NCAPG: variants seen among roughly 807,000 people sequenced by gnomAD.
The protein encoded by NCAPG is condensin complex subunit 3.
A neutral mutation model predicts 113.1 loss-of-function variants in NCAPG; 69 were observed. The observed-to-expected ratio is 0.61, with a 90% CI of 0.50 to 0.75. The LOEUF (loss-of-function observed/expected upper bound fraction) is 0.75, where lower values mean the gene tolerates loss of function less well. Ranked by LOEUF, NCAPG falls within the 30% of genes least tolerant of loss-of-function variation. The probability of loss-of-function intolerance (pLI) is 0.00; values close to 1 mark genes in which losing one functional copy is unlikely to be tolerated. For synonymous variants in NCAPG, 370 were observed against 415.8 expected, an observed-to-expected ratio of 0.89 and a Z score of 1.34; for missense variants, 1,058 against 1,177.0, an observed-to-expected ratio of 0.90 and a Z score of 1.48.
In NCAPG at chr4:17,844,025, G is replaced by A. The variant is rs976253616; in HGVS notation, c.*600G>A. ...GGAAATCTCTCTTCCTAAAGTATTT[G>A]TATATGGGAGTCCTTGTTTGTGAAT... On this transcript the variant is annotated 3_prime_UTR_variant, in exon 21 of 21. Coordinates refer to ENST00000251496, the MANE Select transcript of NCAPG (RefSeq NM_022346.5). 6.6e-6 allele frequency: 1 copy of A among 151,922 alleles called. No individual in the cohort carries two copies. The highest frequency in any genetic ancestry group is 2.4e-5 in the African/African-American group (1 of 41,424). 9.4% of individuals were successfully genotyped at this position (151,922 alleles called of 1,614,324 possible).
chr4:17,827,567 A>C (rs1302833639), intron 11 of NCAPG, among the ~76,000 whole-genome samples: 1 of 152,158 alleles, frequency 6.6e-6, no homozygotes, highest in Non-Finnish European at 1.5e-5. Context: ...AACTGGGTAG[A>C]TGGTGATGAC....
chr4:17,825,556 G>C lies in NCAPG; in HGVS notation c.1648G>C (p.Glu550Gln). The C allele has an allele frequency of 6.3e-7, 1 of 1,588,174 alleles. No homozygotes were observed. The change falls in exon 11 of 21, where the codon GAG becomes CAG. Residue 550 changes from glutamate to glutamine, a missense_variant. Coordinates refer to ENST00000251496, the MANE Select transcript of NCAPG (RefSeq NM_022346.5). ...ACTTGAAATTAAAGAAGTCCACATA[G>C]AGAAGGTACAGGTAACTTTTTTCAT... ...EQLEIKEVHI[E>Q]KNDAETLQKC...
At chr4:17,820,215 T>C (rs551164647) in intron 7 of NCAPG, among the ~76,000 whole-genome samples, 33 of 152,372 alleles carry the variant, frequency 2.2e-4, no homozygotes, top group African/African-American at 7.2e-4. Context: ...TCCTCCCTTC[T>C]GAAAGGTCAG....
intron 14 of NCAPG, among the ~76,000 whole-genome samples, chr4:17,835,466 A>G (rs1722058242): frequency 6.6e-6 from 1 of 151,464 alleles, no homozygotes; most frequent in Admixed American, 6.6e-5. Flanking sequence ...TGCTGGGATT[A>G]CAAGTGTGAG....
intron 11 of NCAPG, among the ~76,000 whole-genome samples, chr4:17,827,394 AGTTGGGAGACTTACAGTAGG>A (rs922800286): frequency 1.3e-5 from 2 of 152,236 alleles, no homozygotes; most frequent in Non-Finnish European, 1.5e-5. Flanking sequence ...CAGGCATAAT[AGTTGGGAGACTTACAGTAGG>A]GTTGGGAGAC....
chr4:17,811,045 G>C lies in NCAPG; in HGVS notation c.-33G>C, dbSNP rs1197490573. On this transcript the variant is annotated 5_prime_UTR_variant, in exon 1 of 21. Transcript: ENST00000251496. The surrounding 1 kb of genome is among the most constrained non-coding windows in gnomAD (Gnocchi z 5.3). Reference sequence around the variant, plus strand: ...GGGCTGGCAGGCTGTAGCCGAGCGCGGGCAGGACTCGTCCCGGCAGGGTTC... The same window carrying C: ...GGGCTGGCAGGCTGTAGCCGAGCGCCGGCAGGACTCGTCCCGGCAGGGTTC... 10 of 1,365,086 alleles carry C rather than the reference G, an allele frequency of 7.3e-6. No homozygotes were observed. The highest frequency in any genetic ancestry group is 9.8e-6 in the Non-Finnish European group (10 of 1,022,148). 84.6% of individuals were successfully genotyped at this position (1,365,086 alleles called of 1,614,324 possible).
In NCAPG at chr4:17,812,904, G is replaced by GT; in HGVS notation, c.316-10dup. ...TGTGACTATGAATAAATTTTGATTT[G>GT]TTTCTGTTTTAGTCTCATGAAGCAA... On this transcript the variant is annotated splice_polypyrimidine_tract_variant and intron_variant, in intron 2 of 20. Coordinates refer to ENST00000251496, the MANE Select transcript of NCAPG (RefSeq NM_022346.5). 6.2e-7 allele frequency: 1 copy of GT among 1,606,404 alleles called. No homozygotes were observed. The highest frequency in any genetic ancestry group is 8.5e-7 in the Non-Finnish European group (1 of 1,173,646).
chr4:17,824,903 T>C (rs1265914666), intron 9 of NCAPG, 65 bp from the exon 10 acceptor site: 1 of 1,167,192 alleles, frequency 8.6e-7, no homozygotes, highest in African/African-American at 1.6e-5. Context: ...GAGTTTTATA[T>C]AGAATTTTGA....
chr4:17,830,436 A>G (rs1369747802), intron 12 of NCAPG, among the ~76,000 whole-genome samples: 1 of 152,034 alleles, frequency 6.6e-6, no homozygotes, highest in Non-Finnish European at 1.5e-5. Flanking sequence ...GTTGGGTTTC[A>G]AAGACTAGTA....
chr4:17,817,483 A>C (rs1292748640), intron 6 of NCAPG, 30 bp downstream of exon 6: 1 of 1,567,098 alleles, frequency 6.4e-7, no homozygotes, highest in Non-Finnish European at 8.7e-7. Context: ...TTTGAAATGT[A>C]GTACTGATTA....
chr4:17,839,494 C>T (rs563387790), intron 16 of NCAPG, among the ~76,000 whole-genome samples, 182 bp from the exon 17 acceptor site: 20 of 152,012 alleles, frequency 1.3e-4, no homozygotes, highest in Non-Finnish European at 2.2e-4. Context: ...ACAACATCCA[C>T]AACAAGAAGT....
Position 17,840,129 on chromosome 4 carries a change from A to G in NCAPG, c.2687A>G (p.Lys896Arg), listed in dbSNP as rs1488829439. The G allele has an allele frequency of 6.2e-7, 1 of 1,612,418 alleles. No homozygotes were observed. Among genetic ancestry groups the G allele is most frequent in the Non-Finnish European group, 8.5e-7 (1 of 1,179,202 alleles). Reference sequence around the variant, plus strand: ...GAGAAAATCAAGATTCAGTTAGAAAAAGGAAATAAAGAATTTGGTGACCAA... The same window carrying G: ...GAGAAAATCAAGATTCAGTTAGAAAGAGGAAATAAAGAATTTGGTGACCAA... ...ALEKIKIQLE[K>R]GNKEFGDQAE... Residue 896 changes from lysine to arginine, a missense_variant, in exon 18 of 21, where the codon AAA becomes AGA. Physicochemically the swap from Lys to Arg is conservative, Grantham distance 26. Transcript: ENST00000251496.
intron 10 of NCAPG, 31 bp downstream of exon 10, chr4:17,825,088 G>T: frequency 6.6e-7 from 1 of 1,519,070 alleles, no homozygotes. Flanking sequence ...AGAAGTGCTT[G>T]AGTGTAATGT....
chr4:17,812,399 A>G lies in NCAPG; in HGVS notation c.290A>G (p.Asn97Ser). 3 of 1,613,658 alleles carry G rather than the reference A, an allele frequency of 1.9e-6. No homozygotes were observed. The highest frequency in any genetic ancestry group is 2.5e-6 in the Non-Finnish European group (3 of 1,179,736). The part of the protein sequence containing the change: ...DEEEEDGGLL[N>S]YLFTFLLKSH... ...GAAGAGGAAGATGGTGGCCTTTTAAATTATTTGTTTACTTTTCTCTTAAAG... is the reference window on the plus strand; with the variant it reads ...GAAGAGGAAGATGGTGGCCTTTTAAGTTATTTGTTTACTTTTCTCTTAAAG... Residue 97 changes from asparagine to serine, a missense_variant, in exon 2 of 21, where the codon AAT becomes AGT. By Grantham distance (46) the Asn-to-Ser change is conservative. Transcript: ENST00000251496.
At chr4:17,837,530 T>TA (rs1722151507) in intron 15 of NCAPG, 97 bp from the exon 16 acceptor site, 15 of 1,375,262 alleles carry the variant, frequency 1.1e-5, no homozygotes, top group Non-Finnish European at 1.5e-5. Flanking sequence ...AAAATGCACT[T>TA]AATGAGTGAA....
chr4:17,813,478 C>G (rs1250394515), intron 3 of NCAPG: 1 of 168,316 alleles, frequency 5.9e-6, no homozygotes, highest in African/African-American at 2.4e-5. Flanking sequence ...GTAAATCATG[C>G]TGTATGTATA....
chr4:17,843,192 T>TATCA (rs1553852358), intron 20 of NCAPG, 110 bp from the exon 21 acceptor site: 6 of 1,175,366 alleles, frequency 5.1e-6, no homozygotes, highest in Middle Eastern at 2.9e-4. Flanking sequence ...GGAATCAGGC[T>TATCA]ATCAATTAAA....
chr4:17,820,518 C>T (rs989853749), intron 7 of NCAPG, among the ~76,000 whole-genome samples: 1 of 151,992 alleles, frequency 6.6e-6, no homozygotes, highest in South Asian at 2.1e-4. Context: ...AGGAGAATAG[C>T]GTGAACCTGG....
intron 13 of NCAPG, among the ~76,000 whole-genome samples, chr4:17,831,597 T>G (rs1721872062): frequency 6.6e-6 from 1 of 152,058 alleles, no homozygotes; most frequent in Admixed American, 6.5e-5. Context: ...AGTTGACATT[T>G]GAGCAAATAC....
Sources: gnomAD v4.1 joint callset for allele counts (sites outside exome capture counted in the v4.1 genomes callset) on GRCh38, gnomAD v4.1.1 for gene constraint, Gnocchi (gnomAD v3.1) non-coding constraint, MANE v1.5 for transcripts, NCBI Gene and HGNC (gene_info 2026-07-23, HGNC 2026-07-21) for gene names.